C14orf93: variants seen among roughly 807,000 people sequenced by gnomAD.
C14orf93 encodes uncharacterized protein C14orf93.
A neutral mutation model predicts 44.0 loss-of-function variants in C14orf93; 23 were observed. That is an observed-to-expected ratio of 0.52 (90% CI 0.38 to 0.74). The LOEUF (loss-of-function observed/expected upper bound fraction) is 0.74. Among genes scored for constraint, C14orf93 ranks in the 30% least tolerant of loss-of-function variants. C14orf93 has a pLI of 0.00. For synonymous variants in C14orf93, 253 were observed against 265.7 expected (o/e 0.95, Z 0.46); for missense variants, 579 against 678.9 (o/e 0.85, Z 1.64).
At chr14:23,003,527 G>A (rs1756218122) in intron 1 of C14orf93, among the ~76,000 whole-genome samples, 1 of 151,966 alleles carries the variant, frequency 6.6e-6, no homozygotes, top group East Asian at 1.9e-4. Context: ...CGTGGCTTAC[G>A]CCTATAATCC....
Position 22,996,358 on chromosome 14 carries a change from A to G in C14orf93, c.598-90T>C. 1 of 1,311,716 alleles carries G rather than the reference A, an allele frequency of 7.6e-7. No individual in the cohort carries two copies. The highest frequency in any genetic ancestry group is 1.0e-6 in the Non-Finnish European group (1 of 967,206). 81.3% of individuals were successfully genotyped at this position (1,311,716 alleles called of 1,614,324 possible). On this transcript the variant is annotated intron_variant, in intron 2 of 6. Transcript: ENST00000299088. The surrounding 1 kb of genome is among the most constrained non-coding windows in gnomAD (Gnocchi z 4.1). ...TTCTTTGGCTAAGAATAGTGAACAGAAAGTGGAAAGAAGGGGAACTCTAGC... is the reference window on the plus strand; with the variant it reads ...TTCTTTGGCTAAGAATAGTGAACAGGAAGTGGAAAGAAGGGGAACTCTAGC...
chr14:22,987,292 A>C lies in C14orf93; in HGVS notation c.1540T>G (p.Ser514Ala). ...GGDENAPGSP[S>A]FDQPHKTCCP... is the part of the protein sequence containing the mutation. ...CAGGTTTTGTGGGGTTGGTCAAAAG[A>C]TGGGGAGCCAGGTGCATTCTCATCC... Residue 514 changes from serine (S) to alanine (A), a missense_variant, in exon 7 of 7, where the codon TCT (serine) becomes GCT (alanine). Transcript: ENST00000299088. This position sits in a 1 kb window ranked among gnomAD's most constrained non-coding sequence, Gnocchi z 5.6. 6.2e-7 allele frequency: 1 copy of C among 1,614,240 alleles called. No homozygotes were observed. Among genetic ancestry groups the C allele is most frequent in the Non-Finnish European group, 8.5e-7 (1 of 1,180,036 alleles).
intron 1 of C14orf93, among the ~76,000 whole-genome samples, chr14:23,008,627 A>G (rs2046752146): frequency 6.6e-6 from 1 of 152,110 alleles, no homozygotes. Context: ...ACAAATTTGG[A>G]TACAGATATT....
rs370175402 is a variant in C14orf93, at chr14:23,000,670, G to A, written c.-379-1268C>T. 3.8e-4 allele frequency among the ~76,000 whole-genome samples: 56 copies of A among 148,478 alleles called. 1 individual carries two copies. The highest frequency in any genetic ancestry group is 8.1e-4 in the Admixed American group (12 of 14,860). ...GGCAAAGGTTGCAGTGAGCCGAGAT[G>A]GTGCCACTGCACTCCAGCCTGGCAA... On this transcript the variant is annotated intron_variant, in intron 1 of 6. Transcript: ENST00000299088.
Position 22,990,115 on chromosome 14 carries a change from T to TAG in C14orf93, c.930_931insCT (p.Asn311LeufsTer27), listed in dbSNP as rs1180600144. ...TCATTGGTGATGTGGTTATGCACAT[T>TAG]GTGGACCAGTTTCTAGGAGGAAAAA... is the stretch of plus-strand genomic sequence containing the variant. On this transcript the variant is annotated frameshift_variant, in exon 4 of 7. Coordinates refer to ENST00000299088, the MANE Select transcript of C14orf93 (RefSeq NM_021944.4). LOFTEE classifies it high-confidence loss of function. The TAG allele has an allele frequency of 6.2e-7, 1 of 1,613,292 alleles. No homozygotes were observed. Among genetic ancestry groups the TAG allele is most frequent in the Non-Finnish European group, 8.5e-7 (1 of 1,179,542 alleles).
chr14:22,990,718 C>G (rs1156697742), intron 3 of C14orf93, among the ~76,000 whole-genome samples: 1 of 152,060 alleles, frequency 6.6e-6, no homozygotes, highest in Non-Finnish European at 1.5e-5. Context: ...ATCTGCCCGC[C>G]TTGACCTTCC....
Position 22,996,453 on chromosome 14 carries a change from G to A in C14orf93, c.598-185C>T, listed in dbSNP as rs1348675641. Among the ~76,000 whole-genome samples the A allele has an allele frequency of 6.6e-6, 1 of 152,172 alleles. No individual in the cohort carries two copies. The highest frequency in any genetic ancestry group is 2.4e-5 in the African/African-American group (1 of 41,424). ...AGTGTTGGGCAAATATTTCTTGTGT[G>A]TACAGGGCCTCTCATGTTGGGTTGT... On this transcript the variant is annotated intron_variant, in intron 2 of 6. Transcript: ENST00000299088. This position sits in a 1 kb window ranked among gnomAD's most constrained non-coding sequence, Gnocchi z 4.1.
At chr14:23,002,092 T>A (rs2046335120) in intron 1 of C14orf93, among the ~76,000 whole-genome samples, 1 of 141,558 alleles carries the variant, frequency 7.1e-6, no homozygotes, top group Non-Finnish European at 1.5e-5. Flanking sequence ...GAGCTTGCAG[T>A]GAGCCGAGAT....
intron 3 of C14orf93, among the ~76,000 whole-genome samples, chr14:22,990,962 G>A (rs961686890): frequency 1.3e-5 from 2 of 150,804 alleles, no homozygotes; most frequent in Non-Finnish European, 3.0e-5. Context: ...GGGACTACAG[G>A]TGCCTGCCAC....
intron 5 of C14orf93, 50 bp downstream of exon 5, chr14:22,989,692 G>A: frequency 1.6e-6 from 2 of 1,234,714 alleles, no homozygotes; most frequent in Non-Finnish European, 2.4e-6. Flanking sequence ...AGAGGAGTGG[G>A]AGGAGAGGGG....
chr14:22,992,983 G>T (rs2045752424), intron 3 of C14orf93, among the ~76,000 whole-genome samples: 1 of 152,144 alleles, frequency 6.6e-6, no homozygotes, highest in Non-Finnish European at 1.5e-5. Context: ...AGGTTCAAGT[G>T]ATTCTCCTAC....
At chr14:23,003,921 T>TTTTTTTTA (rs2046488141) in intron 1 of C14orf93, among the ~76,000 whole-genome samples, 1 of 76,666 alleles carries the variant, frequency 1.3e-5, no homozygotes, top group African/African-American at 5.2e-5. Flanking sequence ...TTTTTTTTTT[T>TTTTTTTTA]TTTTTTGAGA....
At chr14:22,989,516 C>T (rs528392228) in intron 5 of C14orf93, among the ~76,000 whole-genome samples, 173 of 152,326 alleles carry the variant, frequency 1.1e-3, no homozygotes, top group Non-Finnish European at 2.0e-3. Context: ...TGTTCTAGCC[C>T]TTTCCTTCTC....
rs1315447106 is a variant in C14orf93 at position 22,986,252 on chromosome 14, TA to T, written c.*962del. ...TAGCTACCCCTGCTGTATATTGCCATAGTGCACTACACTCCACCATGGTCAC... is the reference window on the plus strand; with the variant it reads ...TAGCTACCCCTGCTGTATATTGCCATGTGCACTACACTCCACCATGGTCAC... On this transcript the variant is annotated 3_prime_UTR_variant, in exon 7 of 7. Transcript: ENST00000299088. 6.6e-6 allele frequency: 1 copy of T among 152,192 alleles called. No individual in the cohort carries two copies. Among genetic ancestry groups the T allele is most frequent in the East Asian group, 1.9e-4 (1 of 5,198 alleles). 9.4% of individuals were successfully genotyped at this position (152,192 alleles called of 1,614,324 possible). A position where few individuals can be genotyped will look rare whatever the true frequency, so the allele number is the denominator to read the frequency against.
chr14:22,990,240 T>C lies in C14orf93; in HGVS notation c.919-113A>G, dbSNP rs2045516832. ...CCTAAGGGGCTCTCTGCCTGAATCC[T>C]TTCTAAGCCAAGAGCCTATCCAAGT... On this transcript the variant is annotated intron_variant, in intron 3 of 6. Transcript: ENST00000299088. The C allele has an allele frequency of 7.1e-6, 6 of 845,488 alleles. No homozygotes were observed. The South Asian group carries it at 1.0e-4, about 14-fold the overall frequency. The allele number at this position is 845,488 out of a possible 1,614,324, so 52.4% of individuals were successfully genotyped here. A position where few individuals can be genotyped will look rare whatever the true frequency, so the allele number is the denominator to read the frequency against.
At chr14:23,005,056 A>G (rs2046559577) in intron 1 of C14orf93, 1 of 152,228 alleles carries the variant, frequency 6.6e-6, no homozygotes, top group Non-Finnish European at 1.5e-5. Flanking sequence ...ACTGAGAAAG[A>G]GTTCTTACAG....
At chr14:22,991,968 G>A (rs1018339706) in intron 3 of C14orf93, among the ~76,000 whole-genome samples, 1 of 152,162 alleles carries the variant, frequency 6.6e-6, no homozygotes, top group East Asian at 1.9e-4. Flanking sequence ...CAAATCTCTG[G>A]AGTATATACA....
At chr14:22,998,104 A>T (rs2046098662) in intron 2 of C14orf93, 1 of 303,612 alleles carries the variant, frequency 3.3e-6, no homozygotes, top group Non-Finnish European at 6.1e-6. Flanking sequence ...TGTGCACGGC[A>T]GGCATCCTCG....
At chr14:23,007,070 CACGGGCTG>C (rs1226847896) in intron 1 of C14orf93, 1 of 152,292 alleles carries the variant, frequency 6.6e-6, no homozygotes, top group Non-Finnish European at 1.5e-5. Context: ...GGCGCTACCG[CACGGGCTG>C]ACTCAGCTAG....
Sources: gnomAD v4.1 joint callset for allele counts (sites outside exome capture counted in the v4.1 genomes callset) on GRCh38, gnomAD v4.1.1 for gene constraint, Gnocchi (gnomAD v3.1) non-coding constraint, MANE v1.5 for transcripts, NCBI Gene and HGNC (gene_info 2026-07-23, HGNC 2026-07-21) for gene names.